The following PKIB variants were observed in gnomAD, a reference collection of about 807,000 sequenced individuals.
The protein encoded by PKIB is cAMP-dependent protein kinase inhibitor beta.
PKIB carries 2 observed loss-of-function variants against 4.5 expected under a neutral mutation model. The ratio of observed to expected loss-of-function variants is 0.44; its 90% CI spans 0.18 to 1.39. The LOEUF (loss-of-function observed/expected upper bound fraction) is 1.39. PKIB is among the 40% of genes most tolerant of loss of function. The pLI is 0.27. For missense variants in PKIB, 94 were observed against 92.6 expected (o/e 1.02, Z -0.06); for synonymous variants, 38 against 36.0 (o/e 1.06, Z -0.20).
At chr6:122,638,404 C>T (rs1002572815) in intron 2 of PKIB, among the ~76,000 whole-genome samples, 27 of 152,080 alleles carry the variant, frequency 1.8e-4, no homozygotes, top group African/African-American at 6.5e-4. Flanking sequence ...AACCAGTGTA[C>T]CCGTGAACTT....
chr6:122,596,424 G>C (rs575882737), intron 3 of PKIB, among the ~76,000 whole-genome samples: 2 of 152,226 alleles, frequency 1.3e-5, no homozygotes, highest in African/African-American at 4.8e-5. Context: ...GTGCCTTCAG[G>C]ACCTGCCCAA....
At chr6:122,584,951 G>A (rs1469567184) in intron 2 of PKIB, among the ~76,000 whole-genome samples, 1 of 144,930 alleles carries the variant, frequency 6.9e-6, no homozygotes, top group African/African-American at 2.4e-5. Flanking sequence ...GGCAACATCT[G>A]TAAGTTACTG....
intron 3 of PKIB, among the ~76,000 whole-genome samples, chr6:122,701,776 G>A (rs6931347): frequency 1.4e-3 from 212 of 152,234 alleles, no homozygotes; most frequent in African/African-American, 5.0e-3. Flanking sequence ...AAAGATTCCT[G>A]CCCTGGAGAT....
chr6:122,504,455 T>G (rs951339741), intron 2 of PKIB, among the ~76,000 whole-genome samples: 9 of 152,208 alleles, frequency 5.9e-5, no homozygotes, highest in Non-Finnish European at 8.8e-5. Flanking sequence ...ATTAGGTGAT[T>G]AGTGTTCATC....
Position 122,661,550 on chromosome 6 carries a change from T to C in PKIB, c.-75-13528T>C, listed in dbSNP as rs1430152988. Among the ~76,000 whole-genome samples the C allele has an allele frequency of 2.0e-5, 3 of 152,342 alleles. No individual in the cohort carries two copies. In the East Asian group the frequency reaches 5.8e-4, roughly 29 times the overall value. On this transcript the variant is annotated intron_variant, in intron 2 of 4. Coordinates refer to ENST00000368452, the MANE Select transcript of PKIB (RefSeq NM_181795.3). Reference sequence around the variant, plus strand: ...TTCATTCCTTTTTATTGACAAGTAATATTACATTGTAAGAATATACTACAT... The same window carrying C: ...TTCATTCCTTTTTATTGACAAGTAACATTACATTGTAAGAATATACTACAT...
chr6:122,656,951 A>G (rs769482908), intron 2 of PKIB, among the ~76,000 whole-genome samples: 2 of 152,176 alleles, frequency 1.3e-5, no homozygotes, highest in African/African-American at 2.4e-5. Flanking sequence ...CCCTTTCAGA[A>G]TTGTAAATTG....
In PKIB at chr6:122,633,265, T is replaced by C. The variant is rs1775772890; in HGVS notation, c.-160-18T>C. ...ATGTTTATCTTAATAAATCTGTTCC[T>C]GCCTTTGTTTCCTTCAGGAGTCATG... On this transcript the variant is annotated intron_variant, in intron 1 of 4. Transcript: ENST00000368452. 6.6e-6 allele frequency: 1 copy of C among 152,220 alleles called. No individual in the cohort carries two copies. Among genetic ancestry groups the C allele is most frequent in the African/African-American group, 2.4e-5 (1 of 41,456 alleles). 9.4% of individuals were successfully genotyped at this position (152,220 alleles called of 1,614,324 possible).
chr6:122,631,743 C>T (rs1775713100), intron 1 of PKIB, among the ~76,000 whole-genome samples: 2 of 152,158 alleles, frequency 1.3e-5, no homozygotes, highest in South Asian at 4.1e-4. Flanking sequence ...GAAACTAGAA[C>T]TGAGTTCAGT....
At chr6:122,659,160 A>G (rs1582784844) in intron 2 of PKIB, among the ~76,000 whole-genome samples, 1 of 152,316 alleles carries the variant, frequency 6.6e-6, no homozygotes, top group East Asian at 1.9e-4. Context: ...GACAAAGTTT[A>G]AAGATCTCTA....
chr6:122,512,601 C>T (rs923416222), intron 2 of PKIB, among the ~76,000 whole-genome samples: 3 of 152,148 alleles, frequency 2.0e-5, no homozygotes, highest in African/African-American at 7.2e-5. Context: ...GAGCTGTGTA[C>T]CAGCTGCTCC....
intron 3 of PKIB, among the ~76,000 whole-genome samples, chr6:122,599,606 A>C (rs1774291180): frequency 6.6e-6 from 1 of 152,144 alleles, no homozygotes; most frequent in Admixed American, 6.5e-5. Flanking sequence ...TTCTTTCATC[A>C]CTTTGTCCAC....
chr6:122,591,707 T>G (rs1774024780), intron 3 of PKIB, among the ~76,000 whole-genome samples: 1 of 151,986 alleles, frequency 6.6e-6, no homozygotes, highest in African/African-American at 2.4e-5. Flanking sequence ...TTGTATGTAT[T>G]TATTTATTAT....
intron 3 of PKIB, among the ~76,000 whole-genome samples, chr6:122,590,946 A>T (rs1233414683): frequency 6.6e-6 from 1 of 151,574 alleles, no homozygotes; most frequent in Non-Finnish European, 1.5e-5. Context: ...ATGCTAAATC[A>T]CTCCACAGTT....
intron 2 of PKIB, among the ~76,000 whole-genome samples, chr6:122,552,526 G>T (rs1015112655): frequency 6.6e-6 from 1 of 152,012 alleles, no homozygotes; most frequent in African/African-American, 2.4e-5. Flanking sequence ...ACAGGTGTGT[G>T]CCACCATGCC....
intron 2 of PKIB, among the ~76,000 whole-genome samples, chr6:122,659,212 A>G (rs998105409): frequency 2.6e-5 from 4 of 152,170 alleles, no homozygotes; most frequent in Non-Finnish European, 4.4e-5. Flanking sequence ...TGACTTAGCA[A>G]GTTAATGAGG....
intron 2 of PKIB, among the ~76,000 whole-genome samples, chr6:122,578,370 C>T (rs567757920): frequency 2.7e-4 from 41 of 152,112 alleles, no homozygotes; most frequent in Admixed American, 1.4e-3. Flanking sequence ...TTAACCTTTC[C>T]TTTTCGGTAT....
At chr6:122,498,043 A>T (rs1328529053) in intron 2 of PKIB, among the ~76,000 whole-genome samples, 1 of 152,236 alleles carries the variant, frequency 6.6e-6, no homozygotes, top group Non-Finnish European at 1.5e-5. Context: ...ACAAAAATAC[A>T]AATCACTACC....
intron 2 of PKIB, chr6:122,531,301 A>G (rs1777251439): frequency 6.6e-6 from 1 of 152,186 alleles, no homozygotes; most frequent in African/African-American, 2.4e-5. Flanking sequence ...AAAATATGCT[A>G]TCACTATTGC....
At chr6:122,569,483 T>C (rs1193550017) in intron 2 of PKIB, among the ~76,000 whole-genome samples, 2 of 152,176 alleles carry the variant, frequency 1.3e-5, no homozygotes, top group Admixed American at 1.3e-4. Context: ...AGGTTCTAAG[T>C]GGGTCCACGT....
Sources: allele counts gnomAD v4.1 joint callset (sites outside exome capture counted in the v4.1 genomes callset), GRCh38; gene constraint gnomAD v4.1.1; transcripts MANE v1.5; gene names NCBI Gene and HGNC (gene_info 2026-07-23, HGNC 2026-07-21).